Variants in ZNF678 observed in about 807,000 individuals in gnomAD.
ZNF678 encodes hypothetical protein MGC42493.
ZNF678 carries 5 observed loss-of-function variants against 3.0 expected under a neutral mutation model. That is an observed-to-expected ratio of 1.69 (90% CI 0.88 to 3.56). The LOEUF is 3.56. Ranked by LOEUF, ZNF678 falls within the 30% of genes most tolerant of loss-of-function variation. The probability of loss-of-function intolerance (pLI) is 0.00; values close to 1 mark genes in which losing one functional copy is unlikely to be tolerated. For synonymous variants in ZNF678, 218 were observed against 199.6 expected, an observed-to-expected ratio of 1.09 and a Z score of -0.78; for missense variants, 593 against 605.0, an observed-to-expected ratio of 0.98 and a Z score of 0.21.
intron 1 of ZNF678, among the ~76,000 whole-genome samples, chr1:227,639,303 G>A (rs917738482): frequency 6.6e-6 from 1 of 152,220 alleles, no homozygotes; most frequent in Non-Finnish European, 1.5e-5. Flanking sequence ...CCAGCAGGGG[G>A]CCCCTGATGG....
intron 1 of ZNF678, among the ~76,000 whole-genome samples, chr1:227,622,889 A>G (rs1055251081): frequency 1.3e-5 from 2 of 152,216 alleles, no homozygotes; most frequent in Non-Finnish European, 2.9e-5. Flanking sequence ...TAGGGGCTGC[A>G]TTCCAGGAAA....
chr1:227,655,486 A>G lies in ZNF678; in HGVS notation c.1236A>G (p.Lys412=). ...CCTACAAATGTGAAGAATGTGGGAA[A>G]GTTTTTAAACAGTGCTCTCACCTAA... is the stretch of plus-strand genomic sequence containing the variant. ...VKPYKCEECG[K]VFKQCSHLTS... Residue 412 remains lysine (K), a synonymous_variant, in exon 4 of 4, where the codon AAA becomes AAG. Transcript: ENST00000343776. The G allele has an allele frequency of 6.2e-7, 1 of 1,612,534 alleles. No homozygotes were observed. The highest frequency in any genetic ancestry group is 1.1e-5 in the South Asian group (1 of 90,980).
At position 227,655,722 on chromosome 1, in the gene ZNF678, G is replaced by A. The variant is rs144587475; in HGVS notation, c.1472G>A (p.Cys491Tyr). 260 of 1,612,528 alleles carry A rather than the reference G, an allele frequency of 1.6e-4. No homozygotes were observed. In the African/African-American group the frequency reaches 3.3e-3, roughly 21 times the overall value. ...CATACTGGAGAGAAACGCTACAAAT[G>A]TAAAGAATGTGGAAAAGGTTTTTAC... Reference protein sequence around the residue: ...RIHTGEKRYKCKECGKGFYQS... With the variant: ...RIHTGEKRYKYKECGKGFYQS... Residue 491 changes from cysteine to tyrosine, a missense_variant, in exon 4 of 4, where the codon TGT (cysteine) becomes TAT (tyrosine). By Grantham distance (194) the Cys-to-Tyr change is radical (BLOSUM62 -2). Coordinates refer to ENST00000343776, the MANE Select transcript of ZNF678 (RefSeq NM_001367909.1).
chr1:227,589,594 C>T lies in ZNF678; in HGVS notation c.-164+25870C>T, dbSNP rs1219756692. Among the ~76,000 whole-genome samples, 10 of 151,738 alleles carry T rather than the reference C, an allele frequency of 6.6e-5. 1 individual carries two copies. The East Asian group carries it at 1.5e-3, about 23-fold the overall frequency. ...GAGCAATTCCTGTCCCTTTTAAGGG[C>T]TCACAACTCTAAGGGGGTCCACGTG... On this transcript the variant is annotated intron_variant, in intron 1 of 3. Transcript: ENST00000343776.
chr1:227,563,786 G>C (rs902658548), intron 1 of ZNF678, 62 bp downstream of exon 1: 1 of 1,295,522 alleles, frequency 7.7e-7, no homozygotes, highest in Non-Finnish European at 1.0e-6. Context: ...CAGCACTAGA[G>C]TCCGCGGCCC....
At chr1:227,618,124 G>T (rs766985015) in intron 1 of ZNF678, among the ~76,000 whole-genome samples, 12 of 152,174 alleles carry the variant, frequency 7.9e-5, no homozygotes, top group Admixed American at 6.5e-5. Flanking sequence ...CCTGGCGCCT[G>T]CCCTGAGTTG....
intron 1 of ZNF678, among the ~76,000 whole-genome samples, chr1:227,623,046 T>C (rs550020100): frequency 6.6e-6 from 1 of 152,380 alleles, no homozygotes; most frequent in South Asian, 2.1e-4. Flanking sequence ...AGCCCCTCTA[T>C]GTACTACAGC....
At chr1:227,609,050 C>A (rs1008593564) in intron 1 of ZNF678, among the ~76,000 whole-genome samples, 3 of 151,758 alleles carry the variant, frequency 2.0e-5, no homozygotes, top group African/African-American at 7.3e-5. Flanking sequence ...TCCAAAACGT[C>A]AAATACTAAA....
At position 227,608,033 on chromosome 1, in the gene ZNF678, A is replaced by G. The variant is rs1023207047; in HGVS notation, c.-163-38511A>G. 9.2e-5 allele frequency among the ~76,000 whole-genome samples: 14 copies of G among 151,984 alleles called. No individual in the cohort carries two copies. In the East Asian group the frequency reaches 1.7e-3, roughly 19 times the overall value. The stretch of plus-strand genomic sequence containing the variant: ...ACAATTATTGTGGTAACCAGAGTAT[A>G]CAGATTATTTTTGATTACTTAAAAA... On this transcript the variant is annotated intron_variant, in intron 1 of 3. Coordinates refer to ENST00000343776, the MANE Select transcript of ZNF678 (RefSeq NM_001367909.1).
Position 227,657,508 on chromosome 1 carries a change from A to G in ZNF678, c.*1680A>G, listed in dbSNP as rs1450229827. The G allele has an allele frequency of 6.6e-6, 1 of 151,950 alleles. No individual in the cohort carries two copies. Among genetic ancestry groups the G allele is most frequent in the Non-Finnish European group, 1.5e-5 (1 of 67,892 alleles). 9.4% of individuals were successfully genotyped at this position (151,950 alleles called of 1,614,324 possible). ...TATAATCTTCAGTATAACCATTATA[A>G]TTGCCCACTATAAAGGAGTATAATG... On this transcript the variant is annotated 3_prime_UTR_variant, in exon 4 of 4. Coordinates refer to ENST00000343776, the MANE Select transcript of ZNF678 (RefSeq NM_001367909.1).
intron 1 of ZNF678, among the ~76,000 whole-genome samples, chr1:227,614,911 A>C (rs1206529871): frequency 6.6e-6 from 1 of 152,202 alleles, no homozygotes; most frequent in African/African-American, 2.4e-5. Context: ...TTTTTTCACT[A>C]GTTTTTTAAA....
At chr1:227,574,311 T>C (rs1375396108) in intron 1 of ZNF678, among the ~76,000 whole-genome samples, 1 of 152,250 alleles carries the variant, frequency 6.6e-6, no homozygotes, top group Non-Finnish European at 1.5e-5. Flanking sequence ...GATCTTTTTC[T>C]CTGCAACCGT....
chr1:227,633,208 G>T lies in ZNF678; in HGVS notation c.-163-13336G>T, dbSNP rs371495152. Among the ~76,000 whole-genome samples, 9 of 152,240 alleles carry T rather than the reference G, an allele frequency of 5.9e-5. No individual in the cohort carries two copies. The South Asian group carries it at 1.9e-3, about 32-fold the overall frequency. ...AGCAAGTGAAAGCTCAGCTCAAGTC[G>T]GAACAAACAGACCAGAAGAGTGTGC... On this transcript the variant is annotated intron_variant, in intron 1 of 3. Coordinates refer to ENST00000343776, the MANE Select transcript of ZNF678 (RefSeq NM_001367909.1).
chr1:227,678,461 A>C (rs573772705), downstream of ZNF678, among the ~76,000 whole-genome samples: 4 of 152,314 alleles, frequency 2.6e-5, no homozygotes, highest in African/African-American at 9.6e-5. Flanking sequence ...TTGCCTCTCT[A>C]GGCAGGAGGA....
At chr1:227,612,640 T>A (rs1658048078) in intron 1 of ZNF678, among the ~76,000 whole-genome samples, 1 of 152,234 alleles carries the variant, frequency 6.6e-6, no homozygotes, top group Non-Finnish European at 1.5e-5. Flanking sequence ...TTGAGACATC[T>A]TATCAACTTG....
intron 1 of ZNF678, among the ~76,000 whole-genome samples, chr1:227,613,331 C>G (rs1002790001): frequency 6.6e-6 from 1 of 152,176 alleles, no homozygotes; most frequent in Admixed American, 6.5e-5. Context: ...GACAGCAATT[C>G]TCAGATTACG....
At chr1:227,607,115 G>A (rs537829317) in intron 1 of ZNF678, among the ~76,000 whole-genome samples, 18 of 152,258 alleles carry the variant, frequency 1.2e-4, no homozygotes, top group African/African-American at 3.9e-4. Flanking sequence ...TATACATGAT[G>A]ATTTTTAATT....
At chr1:227,643,787 A>G (rs1658882108) in intron 1 of ZNF678, among the ~76,000 whole-genome samples, 1 of 151,436 alleles carries the variant, frequency 6.6e-6, no homozygotes, top group African/African-American at 2.4e-5. Flanking sequence ...CCTCTGACCT[A>G]TATGCCACAC....
chr1:227,637,274 T>G (rs1295135200), intron 1 of ZNF678, among the ~76,000 whole-genome samples: 1 of 152,262 alleles, frequency 6.6e-6, no homozygotes, highest in East Asian at 1.9e-4. Context: ...GTTAGCACAG[T>G]GCTTTGGGGG....
Sources: allele counts gnomAD v4.1 joint callset (sites outside exome capture counted in the v4.1 genomes callset), GRCh38; gene constraint gnomAD v4.1.1; transcripts MANE v1.5; gene names NCBI Gene and HGNC (gene_info 2026-07-23, HGNC 2026-07-21).